USP20: variants seen among roughly 807,000 people sequenced by gnomAD.
The protein encoded by USP20 is ubiquitin specific peptidase 20.
USP20 carries 80 observed loss-of-function variants against 124.2 expected under a neutral mutation model. The ratio of observed to expected loss-of-function variants is 0.64; its 90% CI spans 0.54 to 0.78. The LOEUF is 0.78. USP20 is among the 30% of genes least tolerant of loss of function. The probability of loss-of-function intolerance (pLI) is 0.00; values close to 1 mark genes in which losing one functional copy is unlikely to be tolerated. For missense variants in USP20, 1,043 were observed against 1,244.4 expected (o/e 0.84, Z 2.44); for synonymous variants, 481 against 512.3 (o/e 0.94, Z 0.83).
rs2033841944 is a variant in USP20, at chr9:129,866,820, GAGA to G, written c.691-1182_691-1180del. The stretch of plus-strand genomic sequence containing the variant: ...TTTTGTTGAAAGGAAGAACCAGAAA[GAGA>G]AGTAGATGGCAGATTGAAAGCCTCT... On this transcript the variant is annotated intron_variant, in intron 10 of 25. Coordinates refer to ENST00000372429, the MANE Select transcript of USP20 (RefSeq NM_001110303.4). 2.0e-5 allele frequency among the ~76,000 whole-genome samples: 3 copies of G among 152,226 alleles called. 1 individual carries two copies. The South Asian group carries it at 6.2e-4, about 32-fold the overall frequency.
At chr9:129,853,182 T>C (rs2033025364) in intron 3 of USP20, among the ~76,000 whole-genome samples, 1 of 148,256 alleles carries the variant, frequency 6.7e-6, no homozygotes, top group Non-Finnish European at 1.5e-5. Context: ...CTTATTCTCT[T>C]TTGTATCTTT....
intron 1 of USP20, among the ~76,000 whole-genome samples, chr9:129,838,232 G>C (rs1183746277): frequency 3.9e-5 from 6 of 152,076 alleles, no homozygotes; most frequent in African/African-American, 1.2e-4. Flanking sequence ...AGTAGAGACG[G>C]GGTTTCACCA....
chr9:129,863,890 G>A (rs1016206597), intron 9 of USP20, among the ~76,000 whole-genome samples: 3 of 151,868 alleles, frequency 2.0e-5, no homozygotes, highest in Non-Finnish European at 2.9e-5. Flanking sequence ...GGTGGATCAC[G>A]AGGTCAAGAG....
intron 10 of USP20, among the ~76,000 whole-genome samples, chr9:129,867,055 G>A (rs1032105255): frequency 3.3e-5 from 5 of 152,154 alleles, no homozygotes; most frequent in Admixed American, 2.0e-4. Context: ...TGGCTGCTAC[G>A]TGACCCCTGC....
intron 1 of USP20, among the ~76,000 whole-genome samples, chr9:129,844,003 G>C (rs7852995): frequency 0.15 from 22,651 of 152,070 alleles, 2,249 homozygotes; most frequent in African/African-American, 0.27. Flanking sequence ...GGGAGGTAGA[G>C]GCTGCAGTGA....
chr9:129,867,606 C>T (rs62583579), intron 10 of USP20, among the ~76,000 whole-genome samples: 11,142 of 152,142 alleles, frequency 0.073, 563 homozygotes, highest in Middle Eastern at 0.17. Context: ...ACCCCCCTGC[C>T]CACCTCCACT....
rs2034006002 is a variant in USP20, at chr9:129,869,442, T to C, written c.1392+17T>C. 2 of 1,609,434 alleles carry C rather than the reference T, an allele frequency of 1.2e-6. No individual in the cohort carries two copies. The highest frequency in any genetic ancestry group is 3.3e-5 in the Admixed American group (2 of 59,988). On this transcript the variant is annotated intron_variant, in intron 13 of 25. Transcript: ENST00000372429. ...TGTGACCGGGTGGGTGCCCCAGGGA[T>C]GGGGGGAGCTGGGCCAGGCTGCCAG...
intron 9 of USP20, among the ~76,000 whole-genome samples, chr9:129,864,000 G>T (rs1320965339): frequency 1.3e-5 from 2 of 151,882 alleles, no homozygotes; most frequent in Non-Finnish European, 2.9e-5. Flanking sequence ...CAGCTACTCG[G>T]GAGGCTGAGG....
chr9:129,862,347 A>T (rs2033592381), intron 8 of USP20, among the ~76,000 whole-genome samples: 1 of 151,988 alleles, frequency 6.6e-6, no homozygotes, highest in Admixed American at 6.5e-5. Flanking sequence ...AGGTCAGGAG[A>T]TAGAGACCAT....
Position 129,868,897 on chromosome 9 carries a change from C to T in USP20, c.1171C>T (p.Arg391Cys), listed in dbSNP as rs751125529. The T allele has an allele frequency of 3.9e-5, 62 of 1,604,582 alleles. No individual in the cohort carries two copies. The highest frequency in any genetic ancestry group is 3.7e-4 in the South Asian group (33 of 90,270). Residue 391 changes from arginine to cysteine, a missense_variant, in exon 12 of 26, where the codon CGC (arginine) becomes TGC (cysteine). Arg to Cys is a radical substitution (Grantham distance 180). Coordinates refer to ENST00000372429, the MANE Select transcript of USP20 (RefSeq NM_001110303.4). ...DNDAHLRSSSRPCSPVHHHEG... is the reference protein window; with the variant it reads ...DNDAHLRSSSCPCSPVHHHEG... ...TGATGCTCACCTACGCAGCTCCTCT[C>T]GCCCCTGCAGCCCCGTCCACCACCA...
At chr9:129,838,351 T>C (rs1004217974) in intron 1 of USP20, among the ~76,000 whole-genome samples, 2 of 152,084 alleles carry the variant, frequency 1.3e-5, no homozygotes, top group African/African-American at 4.8e-5. Context: ...TAACAACAAA[T>C]ATTTAAAGGC....
chr9:129,841,833 C>A (rs904739175), intron 1 of USP20, among the ~76,000 whole-genome samples: 4 of 152,090 alleles, frequency 2.6e-5, no homozygotes, highest in African/African-American at 9.7e-5. Flanking sequence ...GTGCATGAGT[C>A]CCCTGCGGTG....
In USP20 at chr9:129,869,759, CAG is replaced by C; in HGVS notation, c.1482_1483del (p.Asn495CysfsTer55). The part of the protein sequence containing the change: ...DLAKLHSAIY[Q>X]NVPAKPGACG... ...GGCCAAGCTCCATTCAGCCATCTAC[CAG>C]AATGTGCCGGCCAAGCCAGGCGCCT... On this transcript the variant is annotated frameshift_variant, in exon 14 of 26. Transcript: ENST00000372429. LOFTEE classifies it high-confidence loss of function. 6.2e-7 allele frequency: 1 copy of C among 1,614,084 alleles called. No homozygotes were observed. The highest frequency in any genetic ancestry group is 8.5e-7 in the Non-Finnish European group (1 of 1,180,038).
chr9:129,866,008 T>A (rs919151731), intron 10 of USP20, among the ~76,000 whole-genome samples: 3 of 152,224 alleles, frequency 2.0e-5, no homozygotes, highest in Non-Finnish European at 4.4e-5. Flanking sequence ...CATTTTTCTA[T>A]TTTATAAAAT....
chr9:129,851,223 C>T lies in USP20; in HGVS notation c.-17+1299C>T, dbSNP rs186519459. ...TGTACCCTAAGGTCCTTTGTACCTT[C>T]ACCCAGTTTCCCCTAATGGTAAGAA... On this transcript the variant is annotated intron_variant, in intron 2 of 25. Transcript: ENST00000372429. Among the ~76,000 whole-genome samples the T allele has an allele frequency of 7.7e-4, 116 of 151,432 alleles. 1 individual carries two copies. Among genetic ancestry groups the T allele is most frequent in the East Asian group, 1.9e-4 (1 of 5,152 alleles).
At chr9:129,849,594 T>C (rs2032784311) in intron 1 of USP20, among the ~76,000 whole-genome samples, 1 of 152,122 alleles carries the variant, frequency 6.6e-6, no homozygotes, top group Non-Finnish European at 1.5e-5. Flanking sequence ...ACCCTGTCTC[T>C]ACAAGAAATT....
intron 3 of USP20, 125 bp downstream of exon 3, chr9:129,852,761 A>C (rs1350832621): frequency 1.8e-5 from 18 of 988,846 alleles, no homozygotes; most frequent in Non-Finnish European, 2.7e-5. Context: ...TTTCTGTGTA[A>C]ATGGAAATGC....
At chr9:129,853,934 T>G (rs576492214) in intron 3 of USP20, among the ~76,000 whole-genome samples, 24 of 152,196 alleles carry the variant, frequency 1.6e-4, no homozygotes, top group East Asian at 9.7e-4. Context: ...GATCACAACT[T>G]CAGCTCCTCT....
At position 129,874,695 on chromosome 9, in the gene USP20, C is replaced by T. The variant is rs1564221115; in HGVS notation, c.1860C>T (p.Cys620=). ...TGCGCCCCTTCCTTGCCAAGGAGTG[C>T]ACATCCCAGATCACCACCTACGACC... The part of the protein sequence containing the change: ...LDLRPFLAKE[C]TSQITTYDLL... The change falls in exon 18 of 26, where the codon TGC becomes TGT. Residue 620 remains cysteine, a synonymous_variant. Coordinates refer to ENST00000372429, the MANE Select transcript of USP20 (RefSeq NM_001110303.4). The T allele has an allele frequency of 1.2e-6, 2 of 1,613,990 alleles. No homozygotes were observed. Among genetic ancestry groups the T allele is most frequent in the Non-Finnish European group, 1.7e-6 (2 of 1,180,020 alleles).
Sources: gnomAD v4.1 joint callset for allele counts (sites outside exome capture counted in the v4.1 genomes callset) on GRCh38, gnomAD v4.1.1 for gene constraint, MANE v1.5 for transcripts, NCBI Gene and HGNC (gene_info 2026-07-23, HGNC 2026-07-21) for gene names.